The following UBE2H variants were observed in gnomAD, a reference collection of about 807,000 sequenced individuals.
UBE2H encodes ubiquitin conjugating enzyme E2 H.
Under a neutral mutation model 29.0 loss-of-function variants are expected in UBE2H, and 3 were observed. That is an observed-to-expected ratio of 0.10 (90% confidence interval 0.05 to 0.27). The LOEUF (loss-of-function observed/expected upper bound fraction) is 0.27. Ranked by LOEUF, UBE2H falls within the 10% of genes least tolerant of loss-of-function variation. The pLI, the probability that UBE2H is intolerant of heterozygous loss-of-function variation, is 1.00. For missense variants in UBE2H, 68 were observed against 228.2 expected (o/e 0.30, Z 4.52); for synonymous variants, 69 against 82.9 (o/e 0.83, Z 0.91).
At chr7:129,871,028 C>G (rs1353120580) in intron 3 of UBE2H, among the ~76,000 whole-genome samples, 2 of 152,114 alleles carry the variant, frequency 1.3e-5, no homozygotes, top group Non-Finnish European at 1.5e-5. Flanking sequence ...TTTGTCAGAC[C>G]CTTCCTGAAT....
intron 1 of UBE2H, among the ~76,000 whole-genome samples, chr7:129,938,868 G>A (rs1028022625): frequency 6.6e-6 from 1 of 151,192 alleles, no homozygotes; most frequent in Non-Finnish European, 1.5e-5. Flanking sequence ...ATGCGATCTC[G>A]GCTCCCTGCA....
intron 3 of UBE2H, among the ~76,000 whole-genome samples, chr7:129,875,496 A>G (rs1484043258): frequency 6.6e-6 from 1 of 152,208 alleles, no homozygotes; most frequent in Non-Finnish European, 1.5e-5. Flanking sequence ...ATAATTTTTA[A>G]CTTTTTAAAT....
chr7:129,944,185 T>C (rs2116524627), intron 1 of UBE2H, among the ~76,000 whole-genome samples: 1 of 151,996 alleles, frequency 6.6e-6, no homozygotes, highest in African/African-American at 2.4e-5. Context: ...TGAAACCCTG[T>C]CGCTACTAAA....
intron 1 of UBE2H, among the ~76,000 whole-genome samples, chr7:129,911,346 G>C (rs188703620): frequency 1.1e-3 from 162 of 150,202 alleles, no homozygotes; most frequent in African/African-American, 3.6e-3. Flanking sequence ...ACTCCAGCCT[G>C]GGTGACAGAG....
At position 129,952,611 on chromosome 7, in the gene UBE2H, C is replaced by T. The variant is rs1271963068; in HGVS notation, c.-56G>A. Reference sequence around the variant, plus strand: ...GCCCGTCTGTCACGGGCCCGGGGCCCCGGCTCTGAGGAGCCCGCGGCCGCG... The same window carrying T: ...GCCCGTCTGTCACGGGCCCGGGGCCTCGGCTCTGAGGAGCCCGCGGCCGCG... On this transcript the variant is annotated 5_prime_UTR_variant, in exon 1 of 7. Coordinates refer to ENST00000355621, the MANE Select transcript of UBE2H (RefSeq NM_003344.4). The T allele has an allele frequency of 4.4e-6, 7 of 1,596,934 alleles. No individual in the cohort carries two copies. Among genetic ancestry groups the T allele is most frequent in the Non-Finnish European group, 6.0e-6 (7 of 1,173,766 alleles).
intron 1 of UBE2H, among the ~76,000 whole-genome samples, chr7:129,938,670 C>T (rs1484711638): frequency 1.3e-5 from 2 of 150,406 alleles, no homozygotes; most frequent in African/African-American, 2.4e-5. Flanking sequence ...TACGCCATTG[C>T]ACTCCAGCCT....
intron 1 of UBE2H, among the ~76,000 whole-genome samples, chr7:129,941,121 A>T (rs1807633543): frequency 6.6e-6 from 1 of 151,938 alleles, no homozygotes; most frequent in African/African-American, 2.4e-5. Flanking sequence ...CGCCCGGCTA[A>T]TTTTTTGTAT....
At chr7:129,839,955 C>A (rs1001054631) in intron 5 of UBE2H, among the ~76,000 whole-genome samples, 4 of 152,202 alleles carry the variant, frequency 2.6e-5, no homozygotes, top group African/African-American at 9.6e-5. Flanking sequence ...AGTGACCTGC[C>A]AGCCTTGGCC....
chr7:129,835,175 G>T, intron 6 of UBE2H, 114 bp from the exon 7 acceptor site: 1 of 1,433,188 alleles, frequency 7.0e-7, no homozygotes, highest in Non-Finnish European at 9.5e-7. Context: ...AACACCAGGG[G>T]GGACAAAGAT....
intron 4 of UBE2H, among the ~76,000 whole-genome samples, 161 bp from the exon 5 acceptor site, chr7:129,857,724 G>T (rs141490601): frequency 1.1e-3 from 167 of 152,284 alleles, no homozygotes; most frequent in African/African-American, 3.6e-3. Context: ...AATAGTACCA[G>T]GTCTTGAAGT....
At chr7:129,861,754 T>C (rs1490519064) in intron 3 of UBE2H, among the ~76,000 whole-genome samples, 1 of 152,004 alleles carries the variant, frequency 6.6e-6, no homozygotes, top group Non-Finnish European at 1.5e-5. Flanking sequence ...TAGCCGGGCA[T>C]GTGGCGCCCA....
intron 6 of UBE2H, 137 bp from the exon 7 acceptor site, chr7:129,835,198 G>A (rs1429444326): frequency 1.0e-5 from 13 of 1,253,346 alleles, no homozygotes; most frequent in Non-Finnish European, 1.2e-5. Flanking sequence ...CAGTAATCAT[G>A]ATCACTACAG....
intron 4 of UBE2H, among the ~76,000 whole-genome samples, chr7:129,858,592 A>G (rs1174252372): frequency 1.3e-5 from 2 of 152,244 alleles, no homozygotes; most frequent in African/African-American, 4.8e-5. Context: ...CTGTAGGCTG[A>G]AAACAGATCT....
intron 1 of UBE2H, among the ~76,000 whole-genome samples, chr7:129,941,950 C>T (rs1480300498): frequency 1.3e-5 from 2 of 152,130 alleles, no homozygotes; most frequent in Non-Finnish European, 2.9e-5. Flanking sequence ...GTGGCTACCC[C>T]TGTAATCCCA....
intron 1 of UBE2H, among the ~76,000 whole-genome samples, chr7:129,951,646 GA>G (rs900667812): frequency 1.3e-5 from 2 of 152,182 alleles, no homozygotes; most frequent in African/African-American, 4.8e-5. Flanking sequence ...AAGTTGGGGG[GA>G]GGGGGCAGAA....
chr7:129,952,610 CCCGGCTCTGAGGAGCCCGCGGCCGCG>C lies in UBE2H; in HGVS notation c.-81_-56del, dbSNP rs539102658. 3.6e-4 allele frequency: 582 copies of C among 1,598,550 alleles called. 2 individuals carry two copies. In the East Asian group the frequency reaches 4.0e-3, roughly 11 times the overall value. ...GGCCCGTCTGTCACGGGCCCGGGGC[CCCGGCTCTGAGGAGCCCGCGGCCGCG>C]CCGGCTCCTCGGTGGAGGTGGCAAC... is the stretch of plus-strand genomic sequence containing the variant. On this transcript the variant is annotated 5_prime_UTR_variant, in exon 1 of 7. Coordinates refer to ENST00000355621, the MANE Select transcript of UBE2H (RefSeq NM_003344.4).
chr7:129,858,137 G>T (rs1223058457), intron 4 of UBE2H, among the ~76,000 whole-genome samples: 1 of 152,132 alleles, frequency 6.6e-6, no homozygotes, highest in Non-Finnish European at 1.5e-5. Context: ...TAAGTTACTG[G>T]AATATGGCAG....
chr7:129,932,799 T>TAAAAAAAAA (rs1584795024), intron 1 of UBE2H, among the ~76,000 whole-genome samples: 2 of 111,146 alleles, frequency 1.8e-5, no homozygotes, highest in Non-Finnish European at 1.9e-5. Context: ...AAAAAAAAAG[T>TAAAAAAAAA]CCTGTCAGAA....
intron 5 of UBE2H, among the ~76,000 whole-genome samples, chr7:129,852,347 G>C (rs1028190535): frequency 6.6e-6 from 1 of 152,040 alleles, no homozygotes; most frequent in Non-Finnish European, 1.5e-5. Context: ...GGTGCCTGTA[G>C]TCCCAGCTAC....
Sources: allele counts gnomAD v4.1 joint callset (sites outside exome capture counted in the v4.1 genomes callset), GRCh38; gene constraint gnomAD v4.1.1; transcripts MANE v1.5; gene names NCBI Gene and HGNC (gene_info 2026-07-23, HGNC 2026-07-21).